LRRC7: variants seen among roughly 807,000 people sequenced by gnomAD.
The protein encoded by LRRC7 is leucine-rich repeat-containing protein 7.
A neutral mutation model predicts 175.7 loss-of-function variants in LRRC7; 23 were observed. The ratio of observed to expected loss-of-function variants is 0.13; its 90% CI spans 0.09 to 0.19. The LOEUF (loss-of-function observed/expected upper bound fraction) is 0.19, where lower values mean the gene tolerates loss of function less well. Ranked by LOEUF, LRRC7 falls within the 10% of genes least tolerant of loss-of-function variation. The pLI is 1.00. For synonymous variants in LRRC7, 685 were observed against 680.9 expected (o/e 1.01, Z -0.09); for missense variants, 1,354 against 1,904.7 (o/e 0.71, Z 5.38).
rs562673615 is a variant in LRRC7 at position 70,135,874 on chromosome 1, C to T, written c.*13987C>T. Among the ~76,000 whole-genome samples, 125 of 152,232 alleles carry T rather than the reference C, an allele frequency of 8.2e-4. No homozygotes were observed. Among genetic ancestry groups the T allele is most frequent in the African/African-American group, 2.8e-3 (118 of 41,546 alleles). On this transcript the variant is annotated 3_prime_UTR_variant, in exon 27 of 27. Transcript: ENST00000651989. ...CTTGTAGAATCGTTTGACTAAGCAA[C>T]GGGTATCTTGCACTTGATAGGTTCT...
At chr1:69,632,440 T>C (rs2100383844) in intron 1 of LRRC7, among the ~76,000 whole-genome samples, 1 of 152,316 alleles carries the variant, frequency 6.6e-6, no homozygotes, top group African/African-American at 2.4e-5. Flanking sequence ...TATCATTCCT[T>C]CTAAATTGTA....
intron 2 of LRRC7, among the ~76,000 whole-genome samples, chr1:69,719,070 A>G (rs1257443502): frequency 6.6e-6 from 1 of 151,772 alleles, no homozygotes; most frequent in African/African-American, 2.4e-5. Flanking sequence ...ATCATTCAGG[A>G]TATCGTTATT....
intron 1 of LRRC7, among the ~76,000 whole-genome samples, chr1:69,677,412 CTTCTT>C (rs1434015842): frequency 1.3e-5 from 2 of 151,490 alleles, no homozygotes; most frequent in East Asian, 1.9e-4. Context: ...GAAATAGTGT[CTTCTT>C]TTCCTTTGGG....
At position 70,138,371 on chromosome 1, in the gene LRRC7, A is replaced by C. The variant is rs1470142767; in HGVS notation, c.*16484A>C. ...TTAAAAAAGATCAGTTCTGTAAAGC[A>C]TAATGCCTACTACACAGACATCATT... On this transcript the variant is annotated 3_prime_UTR_variant, in exon 27 of 27. Coordinates refer to ENST00000651989, the MANE Select transcript of LRRC7 (RefSeq NM_001370785.2). 6.6e-6 allele frequency: 1 copy of C among 152,236 alleles called. No individual in the cohort carries two copies. The highest frequency in any genetic ancestry group is 2.4e-5 in the African/African-American group (1 of 41,474). 9.4% of individuals were successfully genotyped at this position (152,236 alleles called of 1,614,324 possible). A position where few individuals can be genotyped will look rare whatever the true frequency, so the allele number is the denominator to read the frequency against.
At chr1:69,575,573 T>G (rs1224237153) in intron 1 of LRRC7, among the ~76,000 whole-genome samples, 1 of 152,224 alleles carries the variant, frequency 6.6e-6, no homozygotes, top group African/African-American at 2.4e-5. Flanking sequence ...ATTTAAGAAA[T>G]GTGGAATTAA....
chr1:69,745,435 G>T (rs900539257), intron 2 of LRRC7, among the ~76,000 whole-genome samples: 1 of 151,826 alleles, frequency 6.6e-6, no homozygotes, highest in African/African-American at 2.4e-5. Context: ...ACTTAATCAG[G>T]AAAGATGTTC....
chr1:69,814,973 T>C (rs1570096403), intron 4 of LRRC7, among the ~76,000 whole-genome samples: 1 of 152,178 alleles, frequency 6.6e-6, no homozygotes, highest in African/African-American at 2.4e-5. Context: ...TTTTTATCAG[T>C]CCAACCCAGA....
chr1:69,881,721 A>AAT (rs1686619336), intron 7 of LRRC7, among the ~76,000 whole-genome samples: 1 of 151,002 alleles, frequency 6.6e-6, no homozygotes, highest in Admixed American at 6.6e-5. Flanking sequence ...CTACAAAAAA[A>AAT]AAAACAAAAT....
chr1:69,777,663 A>T (rs187740742), intron 3 of LRRC7, among the ~76,000 whole-genome samples: 1 of 152,302 alleles, frequency 6.6e-6, no homozygotes, highest in East Asian at 1.9e-4. Flanking sequence ...ATACCAAGAC[A>T]GTCATCATTT....
intron 2 of LRRC7, among the ~76,000 whole-genome samples, chr1:69,745,251 A>C (rs1669130878): frequency 6.6e-6 from 1 of 151,986 alleles, no homozygotes; most frequent in Non-Finnish European, 1.5e-5. Flanking sequence ...AGCATAAATC[A>C]AAGGCATAAC....
intron 11 of LRRC7, among the ~76,000 whole-genome samples, chr1:70,010,472 G>A (rs749078022): frequency 1.3e-5 from 2 of 152,128 alleles, no homozygotes; most frequent in Non-Finnish European, 2.9e-5. Flanking sequence ...GGCTGAGACA[G>A]GAGCATCACT....
At chr1:69,881,431 A>C (rs1047756746) in intron 7 of LRRC7, among the ~76,000 whole-genome samples, 2 of 152,232 alleles carry the variant, frequency 1.3e-5, no homozygotes, top group African/African-American at 4.8e-5. Flanking sequence ...AACATTGTTG[A>C]GTTTGAAATT....
chr1:69,696,929 C>T (rs1181943588), intron 2 of LRRC7, among the ~76,000 whole-genome samples: 1 of 152,172 alleles, frequency 6.6e-6, no homozygotes, highest in African/African-American at 2.4e-5. Flanking sequence ...ATAAATTACC[C>T]AGCTTCAGGT....
At chr1:69,726,046 C>T (rs1411407285) in intron 2 of LRRC7, among the ~76,000 whole-genome samples, 1 of 152,188 alleles carries the variant, frequency 6.6e-6, no homozygotes, top group African/African-American at 2.4e-5. Flanking sequence ...AAAGATGGAA[C>T]AGCAGAAGAG....
chr1:69,802,373 T>C (rs1385235402), intron 4 of LRRC7, among the ~76,000 whole-genome samples: 1 of 151,466 alleles, frequency 6.6e-6, no homozygotes, highest in Non-Finnish European at 1.5e-5. Flanking sequence ...TCTAGTAATG[T>C]TTGTTTTATA....
intron 25 of LRRC7, among the ~76,000 whole-genome samples, chr1:70,103,734 G>T (rs1274330587): frequency 1.3e-5 from 2 of 152,162 alleles, no homozygotes; most frequent in Non-Finnish European, 2.9e-5. Flanking sequence ...TATTGAAAAA[G>T]AGGGTTAATG....
rs145578686 is a variant in LRRC7, at chr1:69,901,525, C to T, written c.648-29982C>T. 3.7e-3 allele frequency among the ~76,000 whole-genome samples: 568 copies of T among 152,088 alleles called. 2 individuals are homozygous for T. The highest frequency in any genetic ancestry group is 0.027 in the Middle Eastern group (8 of 294). On this transcript the variant is annotated intron_variant, in intron 7 of 26. Coordinates refer to ENST00000651989, the MANE Select transcript of LRRC7 (RefSeq NM_001370785.2). Reference sequence around the variant, plus strand: ...TGTTCTCCATTCCTAAGAATGAAACCCTGCTCACAGAGTAAAGTTTCAGCA... The same window carrying T: ...TGTTCTCCATTCCTAAGAATGAAACTCTGCTCACAGAGTAAAGTTTCAGCA...
intron 7 of LRRC7, among the ~76,000 whole-genome samples, chr1:69,878,591 A>T (rs984334699): frequency 6.6e-6 from 1 of 152,086 alleles, no homozygotes; most frequent in Non-Finnish European, 1.5e-5. Flanking sequence ...CTGAGTCTAT[A>T]TTCAAGATCC....
At chr1:70,014,426 GA>G (rs1229668419) in intron 13 of LRRC7, among the ~76,000 whole-genome samples, 2 of 151,944 alleles carry the variant, frequency 1.3e-5, no homozygotes, top group East Asian at 3.9e-4. Flanking sequence ...TGAAATTTAT[GA>G]ATAATACATA....
Sources: gnomAD v4.1 joint callset for allele counts (sites outside exome capture counted in the v4.1 genomes callset) on GRCh38, gnomAD v4.1.1 for gene constraint, MANE v1.5 for transcripts, NCBI Gene and HGNC (gene_info 2026-07-23, HGNC 2026-07-21) for gene names.